Variants in LRRC4C observed in about 807,000 individuals in gnomAD.
LRRC4C encodes leucine-rich repeat-containing protein 4C.
Under a neutral mutation model 33.6 loss-of-function variants are expected in LRRC4C, and 5 were observed. That is an observed-to-expected ratio of 0.15 (90% confidence interval 0.08 to 0.31). The LOEUF (loss-of-function observed/expected upper bound fraction) is 0.31. Among genes scored for constraint, LRRC4C ranks in the 10% least tolerant of loss-of-function variants. LRRC4C has a pLI of 1.00. For missense variants in LRRC4C, 560 were observed against 796.7 expected, an observed-to-expected ratio of 0.70 and a Z score of 3.58; for synonymous variants, 329 against 302.0, an observed-to-expected ratio of 1.09 and a Z score of -0.93.
At chr11:41,091,284 G>T (rs1940400261) in intron 1 of LRRC4C, among the ~76,000 whole-genome samples, 1 of 152,006 alleles carries the variant, frequency 6.6e-6, no homozygotes, top group Admixed American at 6.6e-5. Context: ...AATTAAAATT[G>T]AAAATACAGA....
intron 2 of LRRC4C, among the ~76,000 whole-genome samples, chr11:40,847,208 C>T (rs1273716612): frequency 6.6e-6 from 1 of 152,120 alleles, no homozygotes. Flanking sequence ...TGAGAGAGGG[C>T]ATCCTTGTCT....
chr11:40,914,005 C>T (rs6485241), intron 2 of LRRC4C, among the ~76,000 whole-genome samples: 135,615 of 152,128 alleles, frequency 0.89, 61,285 homozygotes, highest in East Asian at 1. Context: ...CAGGAAGAAG[C>T]TGACTATCTG....
At chr11:40,952,751 C>A (rs1227610901) in intron 1 of LRRC4C, among the ~76,000 whole-genome samples, 2 of 151,696 alleles carry the variant, frequency 1.3e-5, no homozygotes, top group Admixed American at 1.3e-4. Context: ...TGATCACAAT[C>A]AGGCATCTGA....
At chr11:40,638,262 T>A (rs74434390) in intron 3 of LRRC4C, among the ~76,000 whole-genome samples, 1,862 of 152,336 alleles carry the variant, frequency 0.012, 35 homozygotes, top group African/African-American at 0.042. Context: ...TTTATATTTG[T>A]GTTGTTCTCT....
chr11:41,408,838 C>T (rs897113936), intron 1 of LRRC4C, among the ~76,000 whole-genome samples: 1 of 151,608 alleles, frequency 6.6e-6, no homozygotes, highest in African/African-American at 2.4e-5. Flanking sequence ...GCCAAGATTC[C>T]ACCACACGGC....
intron 3 of LRRC4C, among the ~76,000 whole-genome samples, chr11:40,607,310 A>G (rs1960724093): frequency 6.6e-6 from 1 of 152,162 alleles, no homozygotes; most frequent in Admixed American, 6.5e-5. Context: ...GCCTCTGCCC[A>G]CAGACCTAAG....
chr11:41,161,527 A>G (rs573630355), intron 1 of LRRC4C, among the ~76,000 whole-genome samples: 2 of 152,156 alleles, frequency 1.3e-5, no homozygotes, highest in African/African-American at 2.4e-5. Context: ...CAAGATTCCT[A>G]CAGGCATCTT....
chr11:40,872,540 C>T (rs188943452), intron 2 of LRRC4C, among the ~76,000 whole-genome samples: 1 of 151,986 alleles, frequency 6.6e-6, no homozygotes, highest in Non-Finnish European at 1.5e-5. Flanking sequence ...CTCTATGTTA[C>T]TTAAATGTCT....
intron 1 of LRRC4C, among the ~76,000 whole-genome samples, chr11:40,979,513 C>G (rs1366364873): frequency 6.6e-6 from 1 of 152,112 alleles, no homozygotes; most frequent in Non-Finnish European, 1.5e-5. Context: ...CATTTCTTTC[C>G]CAGTGTAGGG....
intron 3 of LRRC4C, among the ~76,000 whole-genome samples, chr11:40,601,811 A>G (rs1222713575): frequency 6.6e-6 from 1 of 152,182 alleles, no homozygotes; most frequent in Admixed American, 6.5e-5. Context: ...ACAATAAATT[A>G]AAAATTATTT....
intron 5 of LRRC4C, among the ~76,000 whole-genome samples, chr11:40,163,454 A>G (rs1859331826): frequency 6.6e-6 from 1 of 152,208 alleles, no homozygotes; most frequent in South Asian, 2.1e-4. Context: ...CTATGAAGAC[A>G]TTTGCTGGCA....
intron 4 of LRRC4C, among the ~76,000 whole-genome samples, chr11:40,278,459 C>T (rs1943261326): frequency 6.6e-6 from 1 of 152,190 alleles, no homozygotes; most frequent in Non-Finnish European, 1.5e-5. Context: ...CTGTTACTGA[C>T]TGAAGATGAT....
At chr11:41,443,701 C>A (rs556595644) in intron 1 of LRRC4C, among the ~76,000 whole-genome samples, 1 of 151,658 alleles carries the variant, frequency 6.6e-6, no homozygotes, top group East Asian at 1.9e-4. Context: ...CTGCAACATC[C>A]GCCTACCAGG....
intron 2 of LRRC4C, among the ~76,000 whole-genome samples, chr11:40,655,839 T>C (rs1020130744): frequency 4.6e-5 from 7 of 152,222 alleles, no homozygotes; most frequent in Non-Finnish European, 8.8e-5. Flanking sequence ...CAGTTCTGCA[T>C]GGCTTGGGAG....
intron 1 of LRRC4C, among the ~76,000 whole-genome samples, chr11:41,182,283 T>C (rs1234116259): frequency 6.6e-6 from 1 of 152,200 alleles, no homozygotes; most frequent in Non-Finnish European, 1.5e-5. Context: ...ACTCATGTGA[T>C]TGTACATTCC....
chr11:41,219,107 T>C (rs1947192628), intron 1 of LRRC4C, among the ~76,000 whole-genome samples: 1 of 152,156 alleles, frequency 6.6e-6, no homozygotes, highest in African/African-American at 2.4e-5. Flanking sequence ...TTCTTTGTTT[T>C]GTTTTCATTT....
intron 1 of LRRC4C, among the ~76,000 whole-genome samples, chr11:41,169,704 C>T (rs1487090): frequency 0.92 from 140,570 of 152,176 alleles, 65,432 homozygotes; most frequent in East Asian, 1. Flanking sequence ...CAGCAATAAA[C>T]AAGCAAGATG....
At chr11:40,352,117 TCC>T (rs1565303420) in intron 3 of LRRC4C, among the ~76,000 whole-genome samples, 1 of 12,108 alleles carries the variant, frequency 8.3e-5, no homozygotes, top group East Asian at 7.8e-3. Context: ...CTTTCTTCCT[TCC>T]TTCCTTCCTT....
At chr11:40,632,309 C>G (rs1963540756) in intron 3 of LRRC4C, among the ~76,000 whole-genome samples, 1 of 152,124 alleles carries the variant, frequency 6.6e-6, no homozygotes, top group East Asian at 1.9e-4. Context: ...CTAAAGAACA[C>G]CTCAAAAAGC....
Sources: gnomAD v4.1 joint callset for allele counts (sites outside exome capture counted in the v4.1 genomes callset) on GRCh38, gnomAD v4.1.1 for gene constraint, MANE v1.5 for transcripts, NCBI Gene and HGNC (gene_info 2026-07-23, HGNC 2026-07-21) for gene names.